SETX: variants seen among roughly 807,000 people sequenced by gnomAD.
SETX encodes the protein helicase senataxin.
SETX carries 90 observed loss-of-function variants against 227.2 expected under a neutral mutation model. That is an observed-to-expected ratio of 0.40 (90% CI 0.33 to 0.47). SETX has a LOEUF of 0.47. SETX is among the 20% of genes least tolerant of loss of function. The pLI is 0.91. For missense variants in SETX, 3,052 were observed against 3,181.5 expected (o/e 0.96, Z 0.98); for synonymous variants, 1,210 against 1,113.2 (o/e 1.09, Z -1.73).
intron 3 of SETX, among the ~76,000 whole-genome samples, chr9:132,348,970 A>G (rs946193292): frequency 1.9e-4 from 29 of 152,130 alleles, no homozygotes; most frequent in African/African-American, 6.5e-4. Flanking sequence ...CATGTGGCCC[A>G]TGGAAAATCA....
intron 5 of SETX, among the ~76,000 whole-genome samples, chr9:132,341,724 C>T (rs544903580): frequency 5.9e-5 from 9 of 152,300 alleles, no homozygotes; most frequent in African/African-American, 2.2e-4. Context: ...AGAAGCACCC[C>T]CATCCGCCCC....
chr9:132,330,951 A>G (rs1589749389), intron 9 of SETX, 101 bp downstream of exon 9: 2 of 903,280 alleles, frequency 2.2e-6, no homozygotes, highest in East Asian at 4.8e-5. Flanking sequence ...GATTGAGAAC[A>G]GCTACATATC....
intron 10 of SETX, among the ~76,000 whole-genome samples, chr9:132,324,899 A>C (rs1466822467): frequency 6.6e-6 from 1 of 152,226 alleles, no homozygotes; most frequent in Non-Finnish European, 1.5e-5. Context: ...AATCCTTCTA[A>C]ACGCAGTTGA....
chr9:132,282,591 CTTT>C (rs1266806155), intron 19 of SETX, among the ~76,000 whole-genome samples: 2 of 152,108 alleles, frequency 1.3e-5, no homozygotes, highest in Non-Finnish European at 2.9e-5. Flanking sequence ...TGCCCAGGCC[CTTT>C]TCAAAACTTT....
In SETX at chr9:132,300,675, C is replaced by T. The variant is rs143133190; in HGVS notation, c.5503G>A (p.Glu1835Lys). 2.0e-5 allele frequency: 33 copies of T among 1,613,584 alleles called. No individual in the cohort carries two copies. The highest frequency in any genetic ancestry group is 2.5e-5 in the Non-Finnish European group (29 of 1,179,900). The change falls in exon 12 of 26, where the codon GAA becomes AAA. Residue 1835 changes from glutamate (E) to lysine (K), a missense_variant. Glu to Lys is a moderately conservative substitution (Grantham distance 56, BLOSUM62 1). Transcript: ENST00000224140. Reference protein sequence around the residue: ...TERNDIQDLHEYHSGYVHKFR... With the variant: ...TERNDIQDLHKYHSGYVHKFR... ...TTATGAACATAACCAGAATGATATT[C>T]GTGGAGATCTTGTATGTCATTTCTC...
chr9:132,282,168 C>T (rs1317541710), intron 19 of SETX, among the ~76,000 whole-genome samples: 3 of 149,076 alleles, frequency 2.0e-5, no homozygotes, highest in Admixed American at 6.6e-5. Context: ...GGGAACCAGC[C>T]GTAAGTTCAG....
intron 18 of SETX, among the ~76,000 whole-genome samples, chr9:132,285,399 C>A (rs1843795927): frequency 6.6e-6 from 1 of 152,152 alleles, no homozygotes; most frequent in African/African-American, 2.4e-5. Context: ...ACCATTTTCT[C>A]CACTTCCACA....
At chr9:132,332,290 C>CA (rs1847284081) in intron 7 of SETX, among the ~76,000 whole-genome samples, 1 of 152,206 alleles carries the variant, frequency 6.6e-6, no homozygotes. Context: ...AGAATGCCCT[C>CA]AATTCTAGCA....
chr9:132,343,792 C>T (rs1302394255), intron 4 of SETX, among the ~76,000 whole-genome samples: 2 of 152,012 alleles, frequency 1.3e-5, no homozygotes, highest in African/African-American at 2.4e-5. Context: ...TATACTTTTA[C>T]GGATAGATTA....
At chr9:132,290,166 C>T (rs1309306069) in intron 15 of SETX, among the ~76,000 whole-genome samples, 2 of 152,108 alleles carry the variant, frequency 1.3e-5, no homozygotes, top group Non-Finnish European at 2.9e-5. Context: ...CCAAAGATTG[C>T]ACCACTGCAC....
intron 10 of SETX, among the ~76,000 whole-genome samples, chr9:132,323,388 A>C (rs1310767604): frequency 1.3e-5 from 2 of 152,240 alleles, no homozygotes; most frequent in Non-Finnish European, 2.9e-5. Context: ...TGGAAAGGCA[A>C]TTACAGCATA....
At chr9:132,308,520 A>G (rs1845461772) in intron 11 of SETX, among the ~76,000 whole-genome samples, 1 of 152,228 alleles carries the variant, frequency 6.6e-6, no homozygotes, top group Non-Finnish European at 1.5e-5. Context: ...TCTTAAGCTG[A>G]AAAAAAGTGT....
intron 9 of SETX, 146 bp downstream of exon 9, chr9:132,330,906 T>C (rs1847181611): frequency 1.0e-5 from 7 of 693,968 alleles, no homozygotes; most frequent in Admixed American, 2.2e-5. Flanking sequence ...ACAATACATC[T>C]GCTGTTCAAT....
Position 132,336,305 on chromosome 9 carries a change from A to C in SETX, c.709T>G (p.Tyr237Asp). ...TAGGAATAATACTCACCTAACCAAT[A>C]GCTTTTGTAGTTGGTAGTATCATAC... ...HMYDTTNYKSYWLGICMLLTI... is the reference protein window; with the variant it reads ...HMYDTTNYKSDWLGICMLLTI... Residue 237 changes from tyrosine to aspartate, a missense_variant, in exon 6 of 26, where the codon TAT (tyrosine) becomes GAT (aspartate). Around this residue, in one of 10 missense-constraint regions of SETX, gnomAD observed 239 missense variants for 240.8 expected, o/e 0.99. Transcript: ENST00000224140. 1.3e-5 allele frequency: 21 copies of C among 1,609,502 alleles called. No homozygotes were observed. Among genetic ancestry groups the C allele is most frequent in the Non-Finnish European group, 1.7e-5 (20 of 1,175,778 alleles).
In SETX at chr9:132,277,789, CAAAAAA is replaced by C. The variant is rs372125008; in HGVS notation, c.6842+275_6842+280del. 9.7e-3 allele frequency among the ~76,000 whole-genome samples: 663 copies of C among 68,114 alleles called. 11 individuals are homozygous for C. Among genetic ancestry groups the C allele is most frequent in the African/African-American group, 0.029 (600 of 20,360 alleles). 44.7% of individuals were successfully genotyped at this position (68,114 alleles called of 152,430 possible). On this transcript the variant is annotated intron_variant, in intron 21 of 25. Coordinates refer to ENST00000224140, the MANE Select transcript of SETX (RefSeq NM_015046.7). ...GAGTGACAGAATGAGACCCTGTCTTCAAAAAAAAAAAAAAAAAAAAAAAGGACTGCT... is the reference window on the plus strand; with the variant it reads ...GAGTGACAGAATGAGACCCTGTCTTCAAAAAAAAAAAAAAAAAGGACTGCT...
intron 18 of SETX, among the ~76,000 whole-genome samples, chr9:132,284,610 C>CA (rs1843731765): frequency 6.6e-6 from 1 of 152,144 alleles, no homozygotes; most frequent in African/African-American, 2.4e-5. Flanking sequence ...TTTTCACATC[C>CA]AAAAAATACT....
chr9:132,344,113 G>C (rs1467748761), intron 4 of SETX, among the ~76,000 whole-genome samples: 1 of 152,182 alleles, frequency 6.6e-6, no homozygotes, highest in African/African-American at 2.4e-5. Flanking sequence ...CTCCAGAGAA[G>C]CGGGTTTTGC....
rs781383567 is a variant in SETX, at chr9:132,326,875, C to A, written c.4723G>T (p.Asp1575Tyr). Residue 1575 changes from aspartate (D) to tyrosine (Y), a missense_variant, in exon 10 of 26, where the codon GAT becomes TAT. By Grantham distance (160) the Asp-to-Tyr change is radical. Around this residue, in one of 10 missense-constraint regions of SETX, gnomAD observed 1,483 missense variants for 1,312.0 expected, o/e 1.13. Coordinates refer to ENST00000224140, the MANE Select transcript of SETX (RefSeq NM_015046.7). ...CCAGGTTTACGAAATACATCTTCAT[C>A]TGCTGCTTTCACTTCAGAGTGTTTT... ...CPKHSEVKAA[D>Y]EDVFRKPGLP... is the part of the protein sequence containing the mutation. 2.5e-6 allele frequency: 4 copies of A among 1,614,178 alleles called. No individual in the cohort carries two copies. Among genetic ancestry groups the A allele is most frequent in the Middle Eastern group, 3.3e-4 (2 of 6,062 alleles).
chr9:132,342,034 A>G (rs1013346115), intron 5 of SETX, among the ~76,000 whole-genome samples: 3 of 152,136 alleles, frequency 2.0e-5, no homozygotes, highest in Non-Finnish European at 4.4e-5. Context: ...TCCCATTACC[A>G]TGCTTTTTTT....
Sources: allele counts gnomAD v4.1 joint callset (sites outside exome capture counted in the v4.1 genomes callset), GRCh38; gene constraint gnomAD v4.1.1; regional missense constraint gnomAD v4.1.1; transcripts MANE v1.5; gene names NCBI Gene and HGNC (gene_info 2026-07-23, HGNC 2026-07-21).